The following ADCY10 variants were observed in gnomAD, a reference collection of about 807,000 sequenced individuals.
ADCY10 encodes adenylate cyclase 10, also known as adenylate cyclase type 10.
ADCY10 carries 156 observed loss-of-function variants against 183.3 expected under a neutral mutation model. The ratio of observed to expected loss-of-function variants is 0.85; its 90% CI spans 0.75 to 0.97. The LOEUF (loss-of-function observed/expected upper bound fraction) is 0.97, where lower values mean the gene tolerates loss of function less well. Ranked by LOEUF, ADCY10 falls within the 50% of genes least tolerant of loss-of-function variation. The probability of loss-of-function intolerance (pLI) is 0.00; values close to 1 mark genes in which losing one functional copy is unlikely to be tolerated. For missense variants in ADCY10, 1,745 were observed against 1,934.3 expected (o/e 0.90, Z 1.84); for synonymous variants, 645 against 670.0 (o/e 0.96, Z 0.58).
intron 30 of ADCY10, 164 bp from the exon 31 acceptor site, chr1:167,818,431 A>G (rs1662664980): frequency 1.3e-6 from 1 of 763,894 alleles, no homozygotes. Flanking sequence ...GCAGGAAATT[A>G]TGTGATACAG....
At chr1:167,885,198 A>G (rs1668140305) in intron 8 of ADCY10, among the ~76,000 whole-genome samples, 1 of 152,186 alleles carries the variant, frequency 6.6e-6, no homozygotes, top group African/African-American at 2.4e-5. Flanking sequence ...GTTGATGGAC[A>G]CTTAAGCTGC....
chr1:167,884,163 C>G (rs1668060665), intron 8 of ADCY10, among the ~76,000 whole-genome samples: 1 of 152,064 alleles, frequency 6.6e-6, no homozygotes, highest in South Asian at 2.1e-4. Context: ...GTCCGTTCTC[C>G]CACTGTTATA....
chr1:167,851,650 G>C (rs945010804), intron 18 of ADCY10, among the ~76,000 whole-genome samples: 4 of 151,872 alleles, frequency 2.6e-5, no homozygotes, highest in African/African-American at 9.7e-5. Flanking sequence ...GTGAAACCCC[G>C]TCTCTACTAA....
At position 167,896,580 on chromosome 1, in the gene ADCY10, A is replaced by G. The variant is rs1355704118; in HGVS notation, c.739+15T>C. 7 of 1,593,134 alleles carry G rather than the reference A, an allele frequency of 4.4e-6. No individual in the cohort carries two copies. Among genetic ancestry groups the G allele is most frequent in the African/African-American group, 1.3e-5 (1 of 74,332 alleles). ...CTGGTAGAGGCAAAGGCATTTTTCC[A>G]TGGTGGGTACTTACTTTTGTGCTCA... is the stretch of plus-strand genomic sequence containing the variant. On this transcript the variant is annotated intron_variant, in intron 7 of 32. Coordinates refer to ENST00000367851, the MANE Select transcript of ADCY10 (RefSeq NM_018417.6).
intron 13 of ADCY10, among the ~76,000 whole-genome samples, chr1:167,870,663 GCCAGACTTGGTGGCGGGTGCCTGTAGT>G (rs1667039646): frequency 7.2e-6 from 1 of 139,586 alleles, no homozygotes; most frequent in Non-Finnish European, 1.6e-5. Context: ...AAAAAAATTA[GCCAGACTTGGTGGCGGGTGCCTGTAGT>G]CCCAGCTACT....
intron 8 of ADCY10, among the ~76,000 whole-genome samples, chr1:167,886,885 G>A (rs541396962): frequency 6.6e-6 from 1 of 152,296 alleles, no homozygotes; most frequent in South Asian, 2.1e-4. Context: ...AGTGGGCAAA[G>A]GATATGAACA....
chr1:167,874,105 G>A (rs1269612740), intron 13 of ADCY10, among the ~76,000 whole-genome samples: 1 of 152,194 alleles, frequency 6.6e-6, no homozygotes, highest in Non-Finnish European at 1.5e-5. Flanking sequence ...GCTGGGGCAA[G>A]TGGATCACTT....
intron 8 of ADCY10, among the ~76,000 whole-genome samples, chr1:167,887,659 A>C (rs946001532): frequency 2.0e-5 from 3 of 152,152 alleles, no homozygotes; most frequent in African/African-American, 7.2e-5. Flanking sequence ...ACAAACCTGC[A>C]CATTGTGCAC....
At chr1:167,820,941 AGAAG>A (rs1362427560) in intron 30 of ADCY10, 1 of 152,256 alleles carries the variant, frequency 6.6e-6, no homozygotes, top group Non-Finnish European at 1.5e-5. Context: ...TGTCTCAGAA[AGAAG>A]GAAGGGGTGG....
At chr1:167,862,531 C>T (rs1270537944) in intron 14 of ADCY10, among the ~76,000 whole-genome samples, 1 of 152,194 alleles carries the variant, frequency 6.6e-6, no homozygotes, top group Non-Finnish European at 1.5e-5. Context: ...GCCTTGATCT[C>T]AGACTCCTAC....
At chr1:167,859,781 A>T in intron 16 of ADCY10, 26 bp downstream of exon 16, 1 of 1,569,364 alleles carries the variant, frequency 6.4e-7, no homozygotes, top group Non-Finnish European at 8.8e-7. Flanking sequence ...TCTTCCCCCT[A>T]CTTCTTGACC....
chr1:167,868,154 G>C (rs1332220615), intron 14 of ADCY10, among the ~76,000 whole-genome samples: 2 of 152,148 alleles, frequency 1.3e-5, no homozygotes, highest in Admixed American at 1.3e-4. Context: ...AGAGACTCCA[G>C]GAAAAACCAG....
intron 28 of ADCY10, 65 bp from the exon 29 acceptor site, chr1:167,823,188 AGGC>A: frequency 1.4e-6 from 2 of 1,403,956 alleles, no homozygotes; most frequent in Admixed American, 3.4e-5. Flanking sequence ...GCACTTTGGG[AGGC>A]TGAGGTGGGT....
At chr1:167,887,821 GC>G (rs1356838418) in intron 8 of ADCY10, among the ~76,000 whole-genome samples, 2 of 147,472 alleles carry the variant, frequency 1.4e-5, no homozygotes, top group Non-Finnish European at 3.0e-5. Flanking sequence ...GTCCATTTTT[GC>G]TTTGGTTGCC....
chr1:167,881,692 A>G (rs1293495823), intron 9 of ADCY10, among the ~76,000 whole-genome samples: 2 of 152,232 alleles, frequency 1.3e-5, no homozygotes, highest in African/African-American at 4.8e-5. Flanking sequence ...AACTTTCCAC[A>G]ATCATTTGAG....
chr1:167,886,339 C>T (rs994079203), intron 8 of ADCY10, among the ~76,000 whole-genome samples: 17 of 151,970 alleles, frequency 1.1e-4, no homozygotes, highest in Non-Finnish European at 7.4e-5. Flanking sequence ...GGTACTGGTA[C>T]CAAAACAGAA....
intron 18 of ADCY10, among the ~76,000 whole-genome samples, chr1:167,853,060 A>T (rs1217315821): frequency 1.3e-5 from 2 of 152,166 alleles, no homozygotes; most frequent in African/African-American, 2.4e-5. Flanking sequence ...CTACATAGAG[A>T]CAGCAGCACC....
At chr1:167,850,435 C>T (rs894518760) in intron 18 of ADCY10, among the ~76,000 whole-genome samples, 1 of 151,970 alleles carries the variant, frequency 6.6e-6, no homozygotes, top group Non-Finnish European at 1.5e-5. Flanking sequence ...TCGACACACA[C>T]GAAGGCTGAG....
chr1:167,870,349 G>A lies in ADCY10; in HGVS notation c.1524C>T (p.Ser508=). The A allele has an allele frequency of 6.2e-7, 1 of 1,613,552 alleles. No homozygotes were observed. The highest frequency in any genetic ancestry group is 1.3e-5 in the African/African-American group (1 of 74,976). The change falls in exon 14 of 33, where the codon AGC becomes AGT. Residue 508 remains serine (S), a synonymous_variant. Coordinates refer to ENST00000367851, the MANE Select transcript of ADCY10 (RefSeq NM_018417.6). The stretch of plus-strand genomic sequence containing the variant: ...ATCCCTCATACATTAAGACTTGGCT[G>A]CTGTTAGATATCAAAAATTTCTTCA... ...YTMKKFLISN[S]SQVLMYEGLP...
Sources: allele counts gnomAD v4.1 joint callset (sites outside exome capture counted in the v4.1 genomes callset), GRCh38; gene constraint gnomAD v4.1.1; transcripts MANE v1.5; gene names NCBI Gene and HGNC (gene_info 2026-07-23, HGNC 2026-07-21).